Variants in ARFGAP1 observed in about 807,000 individuals in gnomAD.
The protein encoded by ARFGAP1 is ADP-ribosylation factor GTPase-activating protein 1.
In ARFGAP1, 26 loss-of-function variants were observed where a neutral mutation model predicts 54.0. The observed-to-expected ratio is 0.48, with a 90% confidence interval of 0.35 to 0.67. The LOEUF is 0.67. Among genes scored for constraint, ARFGAP1 ranks in the 30% least tolerant of loss-of-function variants. The probability of loss-of-function intolerance (pLI) is 0.00; values close to 1 mark genes in which losing one functional copy is unlikely to be tolerated. For missense variants in ARFGAP1, 525 were observed against 535.8 expected (o/e 0.98, Z 0.20); for synonymous variants, 248 against 211.9 (o/e 1.17, Z -1.48).
intron 2 of ARFGAP1, 93 bp downstream of exon 2, chr20:63,275,733 T>A: frequency 1.6e-6 from 2 of 1,237,354 alleles, no homozygotes; most frequent in Non-Finnish European, 2.4e-6. Context: ...TCTGGGACCC[T>A]CCTGCAGTGG....
chr20:63,286,155 G>A lies in ARFGAP1; in HGVS notation c.835-211G>A, dbSNP rs763567965. 14 of 1,550,150 alleles carry A rather than the reference G, an allele frequency of 9.0e-6. No homozygotes were observed. The South Asian group carries it at 1.4e-4, about 16-fold the overall frequency. On this transcript the variant is annotated intron_variant, in intron 11 of 12. Coordinates refer to ENST00000370283, the MANE Select transcript of ARFGAP1 (RefSeq NM_018209.4). ...GCTCTTGAGGTCTGTGCACGAGGCT[G>A]TCCTCGCTGCCATGTCCCGCACACA...
chr20:63,286,424 C>G lies in ARFGAP1; in HGVS notation c.893C>G (p.Ala298Gly), dbSNP rs145011650. Residue 298 changes from alanine to glycine, a missense_variant, in exon 12 of 13, where the codon GCA becomes GGA. Transcript: ENST00000370283. ...RDVTTFFSGK[A>G]EGPLDSPSEG... ...GTCACCACCTTTTTTTCGGGGAAAG[C>G]AGAGGGCCCCTTGGACAGGTATGCT... 2.5e-6 allele frequency: 4 copies of G among 1,613,470 alleles called. No homozygotes were observed. The highest frequency in any genetic ancestry group is 2.5e-6 in the Non-Finnish European group (3 of 1,179,984).
Position 63,288,364 on chromosome 20 carries a change from G to T in ARFGAP1, c.*491G>T, listed in dbSNP as rs1220957151. The T allele has an allele frequency of 2.2e-6, 1 of 456,842 alleles. No individual in the cohort carries two copies. The highest frequency in any genetic ancestry group is 1.5e-5 in the South Asian group (1 of 64,576). 28.3% of individuals were successfully genotyped at this position (456,842 alleles called of 1,614,324 possible). A position where few individuals can be genotyped will look rare whatever the true frequency, so the allele number is the denominator to read the frequency against. Reference sequence around the variant, plus strand: ...TGGTAAAGATGGAAATGCTGGAAATGATACTGGCGCTCACGCTGCCATCCG... The same window carrying T: ...TGGTAAAGATGGAAATGCTGGAAATTATACTGGCGCTCACGCTGCCATCCG... On this transcript the variant is annotated 3_prime_UTR_variant, in exon 13 of 13. Transcript: ENST00000370283.
At chr20:63,278,294 T>C in intron 6 of ARFGAP1, 91 bp downstream of exon 6, 1 of 1,349,268 alleles carries the variant, frequency 7.4e-7, no homozygotes, top group Non-Finnish European at 1.0e-6. Flanking sequence ...GGGCCTCCCA[T>C]GTGCAGTGGG....
At chr20:63,279,966 C>A (rs940457540) in intron 7 of ARFGAP1, among the ~76,000 whole-genome samples, 2 of 152,136 alleles carry the variant, frequency 1.3e-5, no homozygotes, top group Non-Finnish European at 2.9e-5. Context: ...TGGCGAAACC[C>A]CGTCTCTACT....
In ARFGAP1 at chr20:63,281,295, G is replaced by T; in HGVS notation, c.632G>T (p.Trp211Leu). ...GCTCTTTGTCGCCTCCCTCAGGGCT[G>T]GAGCAGCTTCACCACTGGAGCCAGC... ...NNAMSSLYSG[W>L]SSFTTGASRF... Residue 211 changes from tryptophan to leucine, a missense_variant, in exon 8 of 13, where the codon TGG becomes TTG. This residue lies in a region of ARFGAP1 where 466 missense variants were observed against 453.6 expected (regional missense o/e 1.03). Transcript: ENST00000370283. The T allele has an allele frequency of 6.2e-7, 1 of 1,601,600 alleles. No individual in the cohort carries two copies.
intron 6 of ARFGAP1, 182 bp downstream of exon 6, chr20:63,278,385 G>A (rs1169513845): frequency 1.5e-5 from 9 of 598,974 alleles, no homozygotes; most frequent in Middle Eastern, 4.5e-4. Context: ...GGTCTTGGGT[G>A]TATTGCAGTG....
intron 6 of ARFGAP1, 111 bp from the exon 7 acceptor site, chr20:63,278,788 C>T (rs1380412719): frequency 7.5e-6 from 7 of 937,896 alleles, no homozygotes; most frequent in East Asian, 5.0e-5. Context: ...TGCGTGGGGA[C>T]GTTGGCACGT....
chr20:63,286,055 T>G, intron 11 of ARFGAP1: 4 of 1,549,626 alleles, frequency 2.6e-6, no homozygotes, highest in Non-Finnish European at 3.5e-6. Flanking sequence ...TCCTGTTTCC[T>G]GGCATGAGGC....
Position 63,274,806 on chromosome 20 carries a change from A to T in ARFGAP1, c.-4-771A>T, listed in dbSNP as rs1436404906. ...ATCAATTTTCCTGGTCCTGAATTAG[A>T]TGGGCCACCAGTTGAAGTTGTACTT... is the stretch of plus-strand genomic sequence containing the variant. On this transcript the variant is annotated intron_variant, in intron 1 of 12. Coordinates refer to ENST00000370283, the MANE Select transcript of ARFGAP1 (RefSeq NM_018209.4). Among the ~76,000 whole-genome samples, 4 of 152,166 alleles carry T rather than the reference A, an allele frequency of 2.6e-5. No individual in the cohort carries two copies. The East Asian group carries it at 7.7e-4, about 29-fold the overall frequency.
intron 6 of ARFGAP1, 37 bp from the exon 7 acceptor site, chr20:63,278,862 G>C (rs1021788172): frequency 3.1e-6 from 5 of 1,607,562 alleles, no homozygotes; most frequent in African/African-American, 2.7e-5. Flanking sequence ...CAGGGTTCAT[G>C]CCAGCATCTT....
rs2067520612 is a variant in ARFGAP1 at position 63,285,805 on chromosome 20, C to T, written c.834+92C>T. 2.6e-6 allele frequency: 4 copies of T among 1,550,806 alleles called. No homozygotes were observed. In the Admixed American group the frequency reaches 6.7e-5, roughly 26 times the overall value. ...GAGAGCAGGGTGTGCCCCGTGCAGC[C>T]CTCAGCCCAGCTTGGCAGTGGCCGC... On this transcript the variant is annotated intron_variant, in intron 11 of 12. Coordinates refer to ENST00000370283, the MANE Select transcript of ARFGAP1 (RefSeq NM_018209.4).
intron 9 of ARFGAP1, chr20:63,283,144 C>T (rs909179333): frequency 1.2e-5 from 6 of 488,328 alleles, no homozygotes; most frequent in Admixed American, 7.0e-5. Context: ...CAGGACTGCC[C>T]GGCTTGGCAG....
rs745466300 is a variant in ARFGAP1 at position 63,277,325 on chromosome 20, C to T, written c.443+20C>T. The T allele has an allele frequency of 6.2e-7, 1 of 1,601,552 alleles. No homozygotes were observed. On this transcript the variant is annotated intron_variant, in intron 5 of 12. Transcript: ENST00000370283. ...GCACCGGTAGCTGCTCCTCGTGGGG[C>T]CTTAGTACAGTTTCCACTGGGTCCT...
At chr20:63,282,787 C>T (rs888019717) in intron 8 of ARFGAP1, 32 bp from the exon 9 acceptor site, 3 of 1,613,804 alleles carry the variant, frequency 1.9e-6, no homozygotes, top group East Asian at 2.2e-5. Flanking sequence ...CATGTTAAGT[C>T]TGTCAAGCCT....
intron 9 of ARFGAP1, chr20:63,284,617 A>G (rs2067476552): frequency 2.2e-6 from 3 of 1,355,838 alleles, no homozygotes; most frequent in Non-Finnish European, 2.9e-6. Flanking sequence ...CGCGTGAGGG[A>G]GGACCCTGGA....
Position 63,286,368 on chromosome 20 carries a change from C to A in ARFGAP1, c.837C>A (p.Val279=), listed in dbSNP as rs2067546284. ...CCTCTCTTCCCGTCTCCTTCCAGGT[C>A]CAGGGAGTCGGTAGTAAGGGATGGC... ...SSGVSQLASK[V]QGVGSKGWRD... Residue 279 remains valine, a splice_region_variant and synonymous_variant, in exon 12 of 13, where the codon GTC becomes GTA. Coordinates refer to ENST00000370283, the MANE Select transcript of ARFGAP1 (RefSeq NM_018209.4). 1 of 1,613,394 alleles carries A rather than the reference C, an allele frequency of 6.2e-7. No individual in the cohort carries two copies. Among genetic ancestry groups the A allele is most frequent in the Middle Eastern group, 1.7e-4 (1 of 6,060 alleles).
intron 7 of ARFGAP1, among the ~76,000 whole-genome samples, chr20:63,280,263 TTTG>T (rs2067346124): frequency 6.6e-6 from 1 of 152,154 alleles, no homozygotes; most frequent in African/African-American, 2.4e-5. Flanking sequence ...AAGGGCTTAT[TTTG>T]TTTTTTGTTT....
In ARFGAP1 at chr20:63,275,560, A is replaced by C. The variant is rs201706821; in HGVS notation, c.-4-17A>C. ...GCCTGTTTGTAAGTTTAAAGTGTTT[A>C]TTTTTCTCCTTTGCAGCATCATGGC... is the stretch of plus-strand genomic sequence containing the variant. On this transcript the variant is annotated splice_polypyrimidine_tract_variant and intron_variant, in intron 1 of 12. Transcript: ENST00000370283. The C allele has an allele frequency of 6.2e-7, 1 of 1,612,914 alleles. No homozygotes were observed. The highest frequency in any genetic ancestry group is 8.5e-7 in the Non-Finnish European group (1 of 1,179,484).
Sources: allele counts gnomAD v4.1 joint callset (sites outside exome capture counted in the v4.1 genomes callset), GRCh38; gene constraint gnomAD v4.1.1; regional missense constraint gnomAD v4.1.1; transcripts MANE v1.5; gene names NCBI Gene and HGNC (gene_info 2026-07-23, HGNC 2026-07-21).